KCND3: variants seen among roughly 807,000 people sequenced by gnomAD.
KCND3 encodes potassium voltage-gated channel subfamily D member 3, also known as A-type voltage-gated potassium channel KCND3.
In KCND3, 9 loss-of-function variants were observed where a neutral mutation model predicts 51.1. That is an observed-to-expected ratio of 0.18 (90% confidence interval 0.11 to 0.31). The LOEUF (loss-of-function observed/expected upper bound fraction) is 0.31. KCND3 is among the 10% of genes least tolerant of loss of function. The pLI is 1.00. For missense variants in KCND3, 526 were observed against 903.8 expected (o/e 0.58, Z 5.36); for synonymous variants, 349 against 368.0 (o/e 0.95, Z 0.59).
In KCND3 at chr1:111,772,862, A is replaced by T. The variant is rs1341346046; in HGVS notation, c.*3215T>A. 3.9e-5 allele frequency: 6 copies of T among 152,218 alleles called. No individual in the cohort carries two copies. In the East Asian group the frequency reaches 1.2e-3, roughly 29 times the overall value. 9.4% of individuals were successfully genotyped at this position (152,218 alleles called of 1,614,324 possible). On this transcript the variant is annotated 3_prime_UTR_variant, in exon 8 of 8. Transcript: ENST00000302127. ...TGTCAAAGTGGTTCATGAACTATGAAAGCTCAAGGGTCATGGCTATTGGCC... is the reference window on the plus strand; with the variant it reads ...TGTCAAAGTGGTTCATGAACTATGATAGCTCAAGGGTCATGGCTATTGGCC...
intron 2 of KCND3, among the ~76,000 whole-genome samples, chr1:111,896,735 T>C (rs771759359): frequency 2.6e-5 from 4 of 152,204 alleles, no homozygotes; most frequent in Admixed American, 6.5e-5. Context: ...GCATCCCCTT[T>C]ATGGGCATCA....
intron 2 of KCND3, among the ~76,000 whole-genome samples, chr1:111,847,197 C>A (rs1427190011): frequency 6.6e-6 from 1 of 152,214 alleles, no homozygotes; most frequent in East Asian, 1.9e-4. Context: ...GAAGGAGGGG[C>A]AGCAGGGCCA....
At chr1:111,937,914 A>C (rs12145374) in intron 2 of KCND3, among the ~76,000 whole-genome samples, 21,869 of 152,142 alleles carry the variant, frequency 0.14, 1,978 homozygotes, top group Non-Finnish European at 0.2. Context: ...TTCTAAAGTT[A>C]CCACATTGAT....
chr1:111,850,077 G>T (rs144926615), intron 2 of KCND3, among the ~76,000 whole-genome samples: 1 of 152,044 alleles, frequency 6.6e-6, no homozygotes, highest in Non-Finnish European at 1.5e-5. Context: ...ATCTCACCGC[G>T]CTCCTTCCTG....
At chr1:111,851,659 C>G (rs532651049) in intron 2 of KCND3, among the ~76,000 whole-genome samples, 2 of 152,248 alleles carry the variant, frequency 1.3e-5, no homozygotes, top group African/African-American at 4.8e-5. Context: ...GTCTTCCTCA[C>G]TAGACGTGAG....
chr1:111,987,371 C>T (rs1359030325), intron 1 of KCND3, among the ~76,000 whole-genome samples: 2 of 152,174 alleles, frequency 1.3e-5, no homozygotes, highest in African/African-American at 4.8e-5. Context: ...ATGTTTACCC[C>T]ATGCGTGAAT....
Position 111,982,883 on chromosome 1 carries a change from T to C in KCND3, c.-72-85A>G, listed in dbSNP as rs1571942734. 4.7e-6 allele frequency: 5 copies of C among 1,057,152 alleles called. No individual in the cohort carries two copies. Among genetic ancestry groups the C allele is most frequent in the Non-Finnish European group, 6.9e-6 (5 of 722,114 alleles). 65.5% of individuals were successfully genotyped at this position (1,057,152 alleles called of 1,614,324 possible). A position where few individuals can be genotyped will look rare whatever the true frequency, so the allele number is the denominator to read the frequency against. On this transcript the variant is annotated intron_variant, in intron 1 of 7. Coordinates refer to ENST00000302127, the MANE Select transcript of KCND3 (RefSeq NM_001378969.1). This position sits in a 1 kb window ranked among gnomAD's most constrained non-coding sequence, Gnocchi z 8.5. ...ATGGGACACAGGAAAGGATCACTGG[T>C]GAGTGAAACGGCCAAAGTCTCCAGG...
intron 2 of KCND3, among the ~76,000 whole-genome samples, chr1:111,821,729 C>T (rs1163966123): frequency 6.6e-6 from 1 of 152,194 alleles, no homozygotes; most frequent in Non-Finnish European, 1.5e-5. Context: ...AGATGTGTCT[C>T]ACCCTGGGCT....
At chr1:111,823,265 G>A (rs1666428256) in intron 2 of KCND3, among the ~76,000 whole-genome samples, 1 of 152,200 alleles carries the variant, frequency 6.6e-6, no homozygotes, top group South Asian at 2.1e-4. Context: ...TGGCATGTGT[G>A]TGCCATCTTT....
chr1:111,943,413 A>T (rs11811704), intron 2 of KCND3, among the ~76,000 whole-genome samples: 17,039 of 152,138 alleles, frequency 0.11, 1,181 homozygotes, highest in South Asian at 0.26. Flanking sequence ...AGGCAGTTCA[A>T]GCTGGAGGAA....
At chr1:111,967,147 A>AC (rs1296239577) in intron 2 of KCND3, among the ~76,000 whole-genome samples, 1 of 151,244 alleles carries the variant, frequency 6.6e-6, no homozygotes, top group African/African-American at 2.4e-5. Flanking sequence ...TCTCAAAAAA[A>AC]AAAAAACAAA....
intron 2 of KCND3, among the ~76,000 whole-genome samples, chr1:111,859,718 T>C (rs1668249211): frequency 6.6e-6 from 1 of 152,228 alleles, no homozygotes; most frequent in Non-Finnish European, 1.5e-5. Flanking sequence ...TCCCTCCACA[T>C]GCCATTTGTT....
rs546878858 is a variant in KCND3, at chr1:111,972,418, C to T, written c.1106+9203G>A. ...CGATCTCCTGACCTCGTGATCCGCC[C>T]GCCTCGGCCTCCCAAAGTGCTGGGA... is the stretch of plus-strand genomic sequence containing the variant. On this transcript the variant is annotated intron_variant, in intron 2 of 7. Coordinates refer to ENST00000302127, the MANE Select transcript of KCND3 (RefSeq NM_001378969.1). Among the ~76,000 whole-genome samples the T allele has an allele frequency of 9.2e-5, 14 of 152,190 alleles. No individual in the cohort carries two copies. The Middle Eastern group carries it at 0.017, about 185-fold the overall frequency.
intron 2 of KCND3, among the ~76,000 whole-genome samples, chr1:111,919,206 A>G (rs532306643): frequency 6.7e-6 from 1 of 149,924 alleles, no homozygotes; most frequent in African/African-American, 2.5e-5. Context: ...GGCATTCTAG[A>G]TTGGGGAGAC....
Position 111,828,423 on chromosome 1 carries a change from T to C in KCND3, c.1107-41317A>G, listed in dbSNP as rs189070772. Among the ~76,000 whole-genome samples the C allele has an allele frequency of 2.6e-5, 4 of 152,316 alleles. No individual in the cohort carries two copies. The East Asian group carries it at 7.7e-4, about 29-fold the overall frequency. On this transcript the variant is annotated intron_variant, in intron 2 of 7. Coordinates refer to ENST00000302127, the MANE Select transcript of KCND3 (RefSeq NM_001378969.1). ...GATAAAAAAGAGTATGTTTATACTATTCAACTGCATCTCCCATTAGTCACC... is the reference window on the plus strand; with the variant it reads ...GATAAAAAAGAGTATGTTTATACTACTCAACTGCATCTCCCATTAGTCACC...
intron 2 of KCND3, among the ~76,000 whole-genome samples, chr1:111,953,292 T>G (rs951230408): frequency 3.3e-5 from 5 of 152,180 alleles, no homozygotes; most frequent in Admixed American, 6.5e-5. Flanking sequence ...AGAGGACCTC[T>G]GAAGAGAGTT....
chr1:111,945,534 T>C (rs1267393403), intron 2 of KCND3, among the ~76,000 whole-genome samples: 1 of 152,180 alleles, frequency 6.6e-6, no homozygotes, highest in Non-Finnish European at 1.5e-5. Context: ...ATGAATGCAC[T>C]GAGGCTCACG....
chr1:111,856,568 C>A (rs967962823), intron 2 of KCND3, among the ~76,000 whole-genome samples: 2 of 152,206 alleles, frequency 1.3e-5, no homozygotes, highest in African/African-American at 2.4e-5. Flanking sequence ...TCAGGCCAGA[C>A]CCCCCCTTGC....
At chr1:111,891,465 T>C (rs1006693925) in intron 2 of KCND3, among the ~76,000 whole-genome samples, 1 of 152,158 alleles carries the variant, frequency 6.6e-6, no homozygotes, top group African/African-American at 2.4e-5. Flanking sequence ...TGGAGTGGTG[T>C]CATGCAAGAG....
Sources: allele counts gnomAD v4.1 joint callset (sites outside exome capture counted in the v4.1 genomes callset), GRCh38; gene constraint gnomAD v4.1.1; non-coding constraint Gnocchi (gnomAD v3.1); transcripts MANE v1.5; gene names NCBI Gene and HGNC (gene_info 2026-07-23, HGNC 2026-07-21).